The following GABRG3 variants were observed in gnomAD, a reference collection of about 807,000 sequenced individuals.
GABRG3 encodes gamma-aminobutyric acid receptor subunit gamma-3.
Under a neutral mutation model 48.8 loss-of-function variants are expected in GABRG3, and 25 were observed. That is an observed-to-expected ratio of 0.51 (90% CI 0.37 to 0.72). The LOEUF (loss-of-function observed/expected upper bound fraction) is 0.72, where lower values mean the gene tolerates loss of function less well. Among genes scored for constraint, GABRG3 ranks in the 30% least tolerant of loss-of-function variants. The probability of loss-of-function intolerance (pLI) is 0.00; values close to 1 mark genes in which losing one functional copy is unlikely to be tolerated. For missense variants in GABRG3, 394 were observed against 577.9 expected (o/e 0.68, Z 3.26); for synonymous variants, 227 against 217.6 (o/e 1.04, Z -0.38).
chr15:27,048,396 C>A (rs1267509152), intron 3 of GABRG3, among the ~76,000 whole-genome samples: 1 of 152,104 alleles, frequency 6.6e-6, no homozygotes, highest in Non-Finnish European at 1.5e-5. Flanking sequence ...TGGATGTGTT[C>A]GGAAACAGGG....
At chr15:27,043,001 C>T (rs1253197175) in intron 3 of GABRG3, among the ~76,000 whole-genome samples, 1 of 152,224 alleles carries the variant, frequency 6.6e-6, no homozygotes, top group South Asian at 2.1e-4. Flanking sequence ...TCTCCAGCCA[C>T]GGGCTCCGCG....
intron 5 of GABRG3, among the ~76,000 whole-genome samples, chr15:27,353,912 C>T (rs988453638): frequency 6.6e-6 from 1 of 152,168 alleles, no homozygotes; most frequent in African/African-American, 2.4e-5. Flanking sequence ...GCCTCTCCCA[C>T]CCCATGGGGC....
chr15:27,156,790 C>T (rs1299834404), intron 3 of GABRG3, among the ~76,000 whole-genome samples: 1 of 152,138 alleles, frequency 6.6e-6, no homozygotes, highest in Admixed American at 6.5e-5. Context: ...GAGTTTTGTT[C>T]AGCAATAGGG....
intron 3 of GABRG3, among the ~76,000 whole-genome samples, chr15:27,216,750 T>TTTTATTTATTTA (rs57072496): frequency 5.2e-4 from 65 of 125,858 alleles, no homozygotes; most frequent in Middle Eastern, 8.2e-3. Context: ...TTTTTTTATT[T>TTTTATTTATTTA]TTTATTTATT....
At chr15:27,033,583 A>C (rs1489470507) in intron 3 of GABRG3, among the ~76,000 whole-genome samples, 1 of 152,140 alleles carries the variant, frequency 6.6e-6, no homozygotes, top group Non-Finnish European at 1.5e-5. Flanking sequence ...GGTTTTTTCT[A>C]TAAAATAATG....
intron 5 of GABRG3, among the ~76,000 whole-genome samples, chr15:27,389,720 C>G: frequency 6.6e-6 from 1 of 152,202 alleles, no homozygotes; most frequent in East Asian, 1.9e-4. Flanking sequence ...AATGACCCTT[C>G]GAGTTAACAC....
intron 9 of GABRG3, chr15:27,531,029 G>C: frequency 3.9e-6 from 1 of 259,372 alleles, no homozygotes; most frequent in South Asian, 4.0e-5. Flanking sequence ...TCGGGACAAA[G>C]AACATTAACC....
chr15:27,397,028 T>TG (rs1887320532), intron 5 of GABRG3, among the ~76,000 whole-genome samples: 1 of 152,150 alleles, frequency 6.6e-6, no homozygotes, highest in African/African-American at 2.4e-5. Context: ...CACAAGACTA[T>TG]GCATTTGTCA....
At chr15:27,052,366 A>T (rs917825687) in intron 3 of GABRG3, among the ~76,000 whole-genome samples, 4 of 152,224 alleles carry the variant, frequency 2.6e-5, no homozygotes, top group Non-Finnish European at 5.9e-5. Context: ...TGGTGGCACC[A>T]TAGCCAGTGG....
chr15:27,092,202 C>T (rs1344965113), intron 3 of GABRG3, among the ~76,000 whole-genome samples: 2 of 152,146 alleles, frequency 1.3e-5, no homozygotes, highest in Non-Finnish European at 2.9e-5. Flanking sequence ...ATCACACCAG[C>T]CATGTCATTC....
intron 5 of GABRG3, among the ~76,000 whole-genome samples, chr15:27,360,845 T>C (rs1205145486): frequency 6.6e-6 from 1 of 152,108 alleles, no homozygotes; most frequent in African/African-American, 2.4e-5. Context: ...CCTGATGAGT[T>C]TGTGGGATGC....
chr15:27,483,149 G>A (rs1949545390), intron 6 of GABRG3: 1 of 152,190 alleles, frequency 6.6e-6, no homozygotes, highest in African/African-American at 2.4e-5. Context: ...TCAAACAACA[G>A]AAACAACGTG....
Position 27,527,577 on chromosome 15 carries a change from T to C in GABRG3, c.1010T>C (p.Leu337Pro). 1 of 1,613,570 alleles carries C rather than the reference T, an allele frequency of 6.2e-7. No individual in the cohort carries two copies. The highest frequency in any genetic ancestry group is 8.5e-7 in the Non-Finnish European group (1 of 1,179,728). Residue 337 changes from leucine (L) to proline (P), a missense_variant, in exon 8 of 10, where the codon CTC becomes CCC. Physicochemically the swap from Leu to Pro is moderately conservative, Grantham distance 98 (BLOSUM62 -3). Coordinates refer to ENST00000615808, the MANE Select transcript of GABRG3 (RefSeq NM_033223.5). Reference protein sequence around the residue: ...VFAALMEYATLNYYSSCRKPT... With the variant: ...VFAALMEYATPNYYSSCRKPT... ...GCCGCGCTGATGGAGTATGCCACCC[T>C]CAACTACTATTCCAGCTGTAGAAAA...
intron 2 of GABRG3, among the ~76,000 whole-genome samples, chr15:27,002,796 A>G (rs942645433): frequency 9.4e-4 from 138 of 146,466 alleles, no homozygotes; most frequent in Middle Eastern, 3.5e-3. Context: ...AAGGAAAGAG[A>G]GAAAGAGAGA....
Position 27,534,995 on chromosome 15 carries a change from A to G in GABRG3, c.*2114A>G, listed in dbSNP as rs1173822553. 4.6e-5 allele frequency: 7 copies of G among 152,168 alleles called. No individual in the cohort carries two copies. Among genetic ancestry groups the G allele is most frequent in the East Asian group, 1.9e-4 (1 of 5,184 alleles). 9.4% of individuals were successfully genotyped at this position (152,168 alleles called of 1,614,324 possible). A position where few individuals can be genotyped will look rare whatever the true frequency, so the allele number is the denominator to read the frequency against. On this transcript the variant is annotated 3_prime_UTR_variant, in exon 10 of 10. Coordinates refer to ENST00000615808, the MANE Select transcript of GABRG3 (RefSeq NM_033223.5). ...GGTTGAAAATATTGTCTTAGATGCAATGTCTCCTCTATTGGAGAATTTCAC... is the reference window on the plus strand; with the variant it reads ...GGTTGAAAATATTGTCTTAGATGCAGTGTCTCCTCTATTGGAGAATTTCAC...
intron 3 of GABRG3, among the ~76,000 whole-genome samples, chr15:27,064,752 C>T (rs1218845025): frequency 6.6e-6 from 1 of 152,140 alleles, no homozygotes; most frequent in African/African-American, 2.4e-5. Context: ...AGCAGGGTGT[C>T]CACAGGTGCT....
intron 9 of GABRG3, 59 bp from the exon 10 acceptor site, chr15:27,532,541 C>T (rs1891448657): frequency 3.9e-6 from 6 of 1,539,430 alleles, no homozygotes; most frequent in Non-Finnish European, 5.3e-6. Context: ...GCTTCATACA[C>T]CTCAGGGTGT....
intron 5 of GABRG3, among the ~76,000 whole-genome samples, chr15:27,346,282 C>T (rs1045053389): frequency 3.3e-5 from 5 of 152,148 alleles, no homozygotes; most frequent in African/African-American, 4.8e-5. Flanking sequence ...AAGAGAAGTA[C>T]ATTTGAATTC....
intron 3 of GABRG3, among the ~76,000 whole-genome samples, chr15:27,171,938 T>C (rs2140411237): frequency 6.6e-6 from 1 of 152,324 alleles, no homozygotes; most frequent in Non-Finnish European, 1.5e-5. Context: ...AGCATGGTGC[T>C]GGCATCTGGT....
Sources: gnomAD v4.1 joint callset for allele counts (sites outside exome capture counted in the v4.1 genomes callset) on GRCh38, gnomAD v4.1.1 for gene constraint, MANE v1.5 for transcripts, NCBI Gene and HGNC (gene_info 2026-07-23, HGNC 2026-07-21) for gene names.